Variants in GPHN observed in about 807,000 individuals in gnomAD.
GPHN encodes gephyrin.
GPHN carries 17 observed loss-of-function variants against 95.5 expected under a neutral mutation model. That is an observed-to-expected ratio of 0.18 (90% confidence interval 0.12 to 0.27). GPHN has a LOEUF of 0.27. Ranked by LOEUF, GPHN falls within the 10% of genes least tolerant of loss-of-function variation. The pLI, the probability that GPHN is intolerant of heterozygous loss-of-function variation, is 1.00. For synonymous variants in GPHN, 320 were observed against 322.5 expected, an observed-to-expected ratio of 0.99 and a Z score of 0.08; for missense variants, 660 against 978.1, an observed-to-expected ratio of 0.67 and a Z score of 4.34.
intron 4 of GPHN, among the ~76,000 whole-genome samples, chr14:66,842,029 G>T (rs1413846691): frequency 6.6e-6 from 1 of 151,860 alleles, no homozygotes; most frequent in South Asian, 2.1e-4. Flanking sequence ...CTCCAGCCTG[G>T]GTGACAGAGT....
At chr14:66,529,437 A>G (rs1410805257) in intron 1 of GPHN, among the ~76,000 whole-genome samples, 1 of 152,024 alleles carries the variant, frequency 6.6e-6, no homozygotes, top group African/African-American at 2.4e-5. Flanking sequence ...GGAGTTCATT[A>G]CTACCCACTT....
At chr14:67,130,408 T>G (rs905140120) in intron 17 of GPHN, among the ~76,000 whole-genome samples, 1 of 152,202 alleles carries the variant, frequency 6.6e-6, no homozygotes, top group African/African-American at 2.4e-5. Context: ...GTTAGGATAA[T>G]GGCCTCCAGC....
At chr14:67,402,888 G>A in the GPHN span, among the ~76,000 whole-genome samples, 1 of 152,164 alleles carries the variant, frequency 6.6e-6, no homozygotes, top group East Asian at 1.9e-4. Context: ...ACATGGGTGT[G>A]CAGATATCTC....
chr14:67,102,618 CCACTG>C (rs1165876698), intron 13 of GPHN, among the ~76,000 whole-genome samples: 1 of 151,998 alleles, frequency 6.6e-6, no homozygotes, highest in Non-Finnish European at 1.5e-5. Flanking sequence ...CGAAATCTCA[CCACTG>C]CACTCCAGCC....
chr14:67,364,320 T>G, the GPHN span: 1 of 152,460 alleles, frequency 6.6e-6, no homozygotes, highest in South Asian at 2.1e-4. Context: ...GGTAGAAAAT[T>G]TTTTCCTTTA....
chr14:67,566,883 T>C, the GPHN span, among the ~76,000 whole-genome samples: 1 of 151,888 alleles, frequency 6.6e-6, no homozygotes, highest in Non-Finnish European at 1.5e-5. Flanking sequence ...GTATAGAAAA[T>C]ATATCAGATG....
chr14:66,776,196 G>C (rs2059376965), intron 2 of GPHN, among the ~76,000 whole-genome samples: 1 of 152,118 alleles, frequency 6.6e-6, no homozygotes, highest in Non-Finnish European at 1.5e-5. Context: ...AAAAGTGACA[G>C]TTTCAGCATT....
the GPHN span, among the ~76,000 whole-genome samples, chr14:67,598,322 A>G: frequency 6.6e-6 from 1 of 152,284 alleles, no homozygotes; most frequent in South Asian, 2.1e-4. Flanking sequence ...AGAGACAAGT[A>G]CAGAAGGGAC....
At chr14:66,869,743 T>C (rs2063360000) in intron 4 of GPHN, among the ~76,000 whole-genome samples, 1 of 152,234 alleles carries the variant, frequency 6.6e-6, no homozygotes, top group Admixed American at 6.5e-5. Context: ...CTAACATGTA[T>C]TGAATACCTA....
At chr14:66,713,809 C>A (rs2153423693) in intron 2 of GPHN, among the ~76,000 whole-genome samples, 1 of 152,044 alleles carries the variant, frequency 6.6e-6, no homozygotes, top group East Asian at 1.9e-4. Flanking sequence ...CTCTCTGTTG[C>A]CCAGACTGGA....
chr14:67,127,676 G>C (rs543738043), intron 17 of GPHN, among the ~76,000 whole-genome samples: 4 of 152,322 alleles, frequency 2.6e-5, no homozygotes, highest in Non-Finnish European at 5.9e-5. Context: ...TCATGCGTCT[G>C]CTATGAATTT....
chr14:66,745,551 T>C lies in GPHN; in HGVS notation c.144-30913T>C, dbSNP rs192439062. Reference sequence around the variant, plus strand: ...TGAGGGATTATAAATGATAATTTGATAGTGATATGTCTTCACCATTTTGTT... The same window carrying C: ...TGAGGGATTATAAATGATAATTTGACAGTGATATGTCTTCACCATTTTGTT... On this transcript the variant is annotated intron_variant, in intron 2 of 22. Transcript: ENST00000478722. 3.3e-3 allele frequency among the ~76,000 whole-genome samples: 502 copies of C among 152,190 alleles called. 1 individual carries two copies. The highest frequency in any genetic ancestry group is 5.0e-3 in the Admixed American group (77 of 15,290).
chr14:67,460,703 A>T, the GPHN span, among the ~76,000 whole-genome samples: 1 of 152,200 alleles, frequency 6.6e-6, no homozygotes, highest in Non-Finnish European at 1.5e-5. Flanking sequence ...CTCCGTCTCA[A>T]AAAACAAACA....
chr14:66,517,054 T>C (rs181863502), intron 1 of GPHN, among the ~76,000 whole-genome samples: 1 of 136,746 alleles, frequency 7.3e-6, no homozygotes, highest in Non-Finnish European at 1.5e-5. Flanking sequence ...CTTGAACCCC[T>C]GAGGCAGAGA....
intron 3 of GPHN, 30 bp from the exon 4 acceptor site, chr14:66,824,444 G>T (rs1355985131): frequency 2.5e-6 from 3 of 1,204,236 alleles, no homozygotes; most frequent in Non-Finnish European, 2.5e-6. Flanking sequence ...AAATTTTTCT[G>T]CACATGACTA....
chr14:67,389,832 G>A, the GPHN span, among the ~76,000 whole-genome samples: 2 of 151,288 alleles, frequency 1.3e-5, no homozygotes, highest in Non-Finnish European at 2.9e-5. Flanking sequence ...CTTCAAACAG[G>A]ATTTGAGGTA....
intron 3 of GPHN, among the ~76,000 whole-genome samples, chr14:66,802,677 C>T (rs745428098): frequency 1.8e-4 from 27 of 152,250 alleles, no homozygotes; most frequent in Non-Finnish European, 3.4e-4. Flanking sequence ...GTTGATGAAT[C>T]CTGCCAGGAC....
intron 1 of GPHN, among the ~76,000 whole-genome samples, chr14:66,641,702 A>G (rs1475706500): frequency 2.6e-5 from 4 of 152,084 alleles, no homozygotes; most frequent in Non-Finnish European, 5.9e-5. Flanking sequence ...AGCAAGAGTA[A>G]TAAGTGACTT....
chr14:67,548,489 G>A, the GPHN span, among the ~76,000 whole-genome samples: 448 of 152,238 alleles, frequency 2.9e-3, 2 homozygotes, highest in Middle Eastern at 0.014. Flanking sequence ...CCTGAGGTCG[G>A]GAGTTTGAGA....
Sources: gnomAD v4.1 joint callset for allele counts (sites outside exome capture counted in the v4.1 genomes callset) on GRCh38, gnomAD v4.1.1 for gene constraint, MANE v1.5 for transcripts, NCBI Gene and HGNC (gene_info 2026-07-23, HGNC 2026-07-21) for gene names.